The following CCDC73 variants were observed in gnomAD, a reference collection of about 807,000 sequenced individuals.
CCDC73 encodes the protein coiled-coil domain-containing protein 73.
Under a neutral mutation model 116.5 loss-of-function variants are expected in CCDC73, and 95 were observed. The observed-to-expected ratio is 0.82, with a 90% confidence interval of 0.69 to 0.97. The LOEUF (loss-of-function observed/expected upper bound fraction) is 0.97. Among genes scored for constraint, CCDC73 ranks in the 50% least tolerant of loss-of-function variants. The pLI is 0.00. For synonymous variants in CCDC73, 398 were observed against 401.3 expected (o/e 0.99, Z 0.10); for missense variants, 1,066 against 1,206.8 (o/e 0.88, Z 1.73).
chr11:32,818,238 C>T, the CCDC73 span, among the ~76,000 whole-genome samples: 8,390 of 152,262 alleles, frequency 0.055, 428 homozygotes, highest in Non-Finnish European at 0.08. Context: ...CCTTTCGGGC[C>T]GTAAGTGTAT....
chr11:32,783,328 A>G (rs945719044), intron 1 of CCDC73, among the ~76,000 whole-genome samples: 1 of 152,212 alleles, frequency 6.6e-6, no homozygotes, highest in African/African-American at 2.4e-5. Context: ...ATTTTCAGAT[A>G]TGCAGTATCC....
chr11:32,608,023 GCCC>G (rs59425986), intron 17 of CCDC73, among the ~76,000 whole-genome samples: 110,491 of 151,602 alleles, frequency 0.73, 41,113 homozygotes, highest in African/African-American at 0.77. Flanking sequence ...GGAAAGACCG[GCCC>G]CCCCCACGAT....
intron 14 of CCDC73, among the ~76,000 whole-genome samples, chr11:32,629,494 G>A (rs1002401829): frequency 1.8e-4 from 27 of 151,440 alleles, no homozygotes; most frequent in African/African-American, 5.3e-4. Context: ...TCCACCTCCC[G>A]GGTTCAAGCG....
chr11:32,789,528 T>C (rs762473199), intron 1 of CCDC73, among the ~76,000 whole-genome samples: 8 of 152,128 alleles, frequency 5.3e-5, no homozygotes, highest in Non-Finnish European at 1.2e-4. Flanking sequence ...CCCAGCACTT[T>C]GGGAGGCTAA....
intron 14 of CCDC73, among the ~76,000 whole-genome samples, chr11:32,621,519 A>T (rs1855523010): frequency 6.6e-6 from 1 of 152,224 alleles, no homozygotes; most frequent in Non-Finnish European, 1.5e-5. Flanking sequence ...TACAAAAATT[A>T]ATTCAAGATA....
At chr11:32,829,625 T>C in the CCDC73 span, among the ~76,000 whole-genome samples, 2 of 152,236 alleles carry the variant, frequency 1.3e-5, no homozygotes, top group African/African-American at 4.8e-5. Context: ...CGAAAAGCCC[T>C]GGACGCGCCG....
chr11:32,784,499 G>A (rs748460742), intron 1 of CCDC73, among the ~76,000 whole-genome samples: 1 of 152,312 alleles, frequency 6.6e-6, no homozygotes. Context: ...ATGTGAAGAA[G>A]GAGAAGTTAG....
At chr11:32,617,453 C>T in intron 14 of CCDC73, among the ~76,000 whole-genome samples, 1 of 152,168 alleles carries the variant, frequency 6.6e-6, no homozygotes, top group East Asian at 1.9e-4. Context: ...TCACAACCCA[C>T]CAAACTAATT....
intron 6 of CCDC73, among the ~76,000 whole-genome samples, chr11:32,697,195 T>TG (rs1554965518): frequency 1.6e-5 from 1 of 63,438 alleles, no homozygotes; most frequent in East Asian, 1.4e-3. Flanking sequence ...ACATACTTTT[T>TG]GTTTTTTCTG....
intron 2 of CCDC73, among the ~76,000 whole-genome samples, chr11:32,741,773 T>C (rs1281683874): frequency 6.6e-6 from 1 of 152,108 alleles, no homozygotes; most frequent in Non-Finnish European, 1.5e-5. Context: ...ACCTGTCATG[T>C]ACATTAGGTA....
At chr11:32,768,826 C>T (rs1030012435) in intron 1 of CCDC73, among the ~76,000 whole-genome samples, 3 of 152,106 alleles carry the variant, frequency 2.0e-5, no homozygotes, top group Non-Finnish European at 2.9e-5. Context: ...CCATAGGCGA[C>T]GGAGTGAGAC....
At chr11:32,742,400 T>C (rs1850196333) in intron 2 of CCDC73, among the ~76,000 whole-genome samples, 1 of 152,238 alleles carries the variant, frequency 6.6e-6, no homozygotes, top group African/African-American at 2.4e-5. Flanking sequence ...ATTTCTCTAA[T>C]GACCAGCAAT....
chr11:32,799,427 A>G (rs934352296), upstream of CCDC73, among the ~76,000 whole-genome samples: 6 of 150,900 alleles, frequency 4.0e-5, no homozygotes, highest in African/African-American at 1.5e-4. Flanking sequence ...ACAGGGTTTT[A>G]TCATATTTCC....
At chr11:32,690,143 G>A (rs1856241458) in intron 6 of CCDC73, among the ~76,000 whole-genome samples, 1 of 152,026 alleles carries the variant, frequency 6.6e-6, no homozygotes, top group South Asian at 2.1e-4. Flanking sequence ...GTTGGGGAAG[G>A]TAATACTTGA....
chr11:32,763,774 G>C (rs1285018957), intron 1 of CCDC73, among the ~76,000 whole-genome samples: 1 of 152,216 alleles, frequency 6.6e-6, no homozygotes, highest in Non-Finnish European at 1.5e-5. Flanking sequence ...GAATGACTTT[G>C]ACGATTTGAG....
chr11:32,642,911 C>T (rs545072369), intron 12 of CCDC73, among the ~76,000 whole-genome samples: 4 of 151,676 alleles, frequency 2.6e-5, no homozygotes, highest in East Asian at 3.9e-4. Context: ...TTTTCCACCC[C>T]AGAAGTAACC....
At chr11:32,630,252 A>T (rs1282557331) in intron 14 of CCDC73, among the ~76,000 whole-genome samples, 1 of 152,256 alleles carries the variant, frequency 6.6e-6, no homozygotes, top group Non-Finnish European at 1.5e-5. Flanking sequence ...ACGATAAATT[A>T]AACTCTAGAA....
intron 1 of CCDC73, among the ~76,000 whole-genome samples, chr11:32,767,915 G>A (rs1057098450): frequency 2.6e-4 from 39 of 152,180 alleles, no homozygotes; most frequent in African/African-American, 6.3e-4. Flanking sequence ...TCAGTGTGGC[G>A]ATTCCTCAAG....
chr11:32,616,169 T>C lies in CCDC73; in HGVS notation c.1186-40A>G, dbSNP rs774155944. ...AAGAGATTCTTTTAAAAACATTGCC[T>C]ACAAGTATAAAACATTTGAGCAAAT... On this transcript the variant is annotated intron_variant, in intron 14 of 17. Coordinates refer to ENST00000335185, the MANE Select transcript of CCDC73 (RefSeq NM_001008391.4). The C allele has an allele frequency of 1.3e-5, 19 of 1,516,366 alleles. No homozygotes were observed. The East Asian group carries it at 1.4e-4, about 11-fold the overall frequency. 93.9% of individuals were successfully genotyped at this position (1,516,366 alleles called of 1,614,324 possible). A position where few individuals can be genotyped will look rare whatever the true frequency, so the allele number is the denominator to read the frequency against.
Sources: allele counts gnomAD v4.1 joint callset (sites outside exome capture counted in the v4.1 genomes callset), GRCh38; gene constraint gnomAD v4.1.1; transcripts MANE v1.5; gene names NCBI Gene and HGNC (gene_info 2026-07-23, HGNC 2026-07-21).